PDGFRL: variants seen among roughly 807,000 people sequenced by gnomAD.
PDGFRL encodes platelet derived growth factor receptor like, also known as platelet-derived growth factor receptor-like protein.
Under a neutral mutation model 37.2 loss-of-function variants are expected in PDGFRL, and 46 were observed. The observed-to-expected ratio is 1.24, with a 90% CI of 0.98 to 1.58. The LOEUF is 1.58. Ranked by LOEUF, PDGFRL falls within the 40% of genes most tolerant of loss-of-function variation. The probability of loss-of-function intolerance (pLI) is 0.00; values close to 1 mark genes in which losing one functional copy is unlikely to be tolerated. For missense variants in PDGFRL, 692 were observed against 467.6 expected (o/e 1.48, Z -4.43); for synonymous variants, 251 against 184.3 (o/e 1.36, Z -2.93).
intron 5 of PDGFRL, among the ~76,000 whole-genome samples, chr8:17,636,844 T>C (rs1804980123): frequency 6.6e-6 from 1 of 152,184 alleles, no homozygotes; most frequent in Non-Finnish European, 1.5e-5. Flanking sequence ...CTTGATTAGG[T>C]ATATTTCTGA....
chr8:17,627,319 A>T (rs903864257), intron 3 of PDGFRL, among the ~76,000 whole-genome samples: 2 of 152,178 alleles, frequency 1.3e-5, no homozygotes, highest in African/African-American at 4.8e-5. Context: ...TTTTTGTGGA[A>T]ATCTAAAATC....
intron 1 of PDGFRL, among the ~76,000 whole-genome samples, chr8:17,582,376 G>A (rs531019691): frequency 6.6e-6 from 1 of 152,080 alleles, no homozygotes; most frequent in Admixed American, 6.5e-5. Flanking sequence ...GAGGTCAGGA[G>A]ATCGAGACCA....
intron 1 of PDGFRL, among the ~76,000 whole-genome samples, chr8:17,587,325 G>C (rs1585299616): frequency 6.6e-6 from 1 of 152,140 alleles, no homozygotes; most frequent in Non-Finnish European, 1.5e-5. Context: ...AGATACACAA[G>C]ATGTGATAGC....
intron 2 of PDGFRL, among the ~76,000 whole-genome samples, chr8:17,614,669 C>T (rs1316991945): frequency 1.3e-5 from 2 of 152,304 alleles, no homozygotes; most frequent in Non-Finnish European, 2.9e-5. Context: ...GCCTCCAGCT[C>T]CCAGGCTCAA....
Position 17,639,048 on chromosome 8 carries a change from C to CAA in PDGFRL, c.940-3563_940-3562dup, listed in dbSNP as rs1554556121. ...TGGCCGACAGAGTGAGACTCTGTCT[C>CAA]AAACAAAACAAAACAAACAAAAAGA... On this transcript the variant is annotated intron_variant, in intron 5 of 5. Coordinates refer to ENST00000251630, the MANE Select transcript of PDGFRL (RefSeq NM_001372073.1). 4.6e-5 allele frequency among the ~76,000 whole-genome samples: 7 copies of CAA among 150,680 alleles called. 1 individual carries two copies. The highest frequency in any genetic ancestry group is 1.7e-4 in the African/African-American group (7 of 41,128).
At position 17,605,834 on chromosome 8, in the gene PDGFRL, T is replaced by C. The variant is rs186770083; in HGVS notation, c.354-15217T>C. Among the ~76,000 whole-genome samples the C allele has an allele frequency of 2.0e-4, 30 of 151,912 alleles. No individual in the cohort carries two copies. In the East Asian group the frequency reaches 5.0e-3, roughly 26 times the overall value. Reference sequence around the variant, plus strand: ...GTCAAAAACTGGGAGTTGGGAGGAGTGCGTGGGGCACAGGAGATCTCTTTG... The same window carrying C: ...GTCAAAAACTGGGAGTTGGGAGGAGCGCGTGGGGCACAGGAGATCTCTTTG... On this transcript the variant is annotated intron_variant, in intron 2 of 5. Coordinates refer to ENST00000251630, the MANE Select transcript of PDGFRL (RefSeq NM_001372073.1).
intron 2 of PDGFRL, among the ~76,000 whole-genome samples, chr8:17,594,763 G>C (rs961072526): frequency 3.3e-5 from 5 of 151,852 alleles, no homozygotes; most frequent in South Asian, 2.1e-4. Flanking sequence ...CCGTGGTCTC[G>C]ATCTCCTGAC....
At position 17,589,550 on chromosome 8, in the gene PDGFRL, G is replaced by A. The variant is rs1803887923; in HGVS notation, c.138G>A (p.Lys46=). The A allele has an allele frequency of 6.2e-7, 1 of 1,613,558 alleles. No homozygotes were observed. Among genetic ancestry groups the A allele is most frequent in the Admixed American group, 1.7e-5 (1 of 60,006 alleles). Reference sequence around the variant, plus strand: ...TCAAACCTACCAACAAGAAGGTGAAGCCCAAAATTCCTAAAATGAAGGACA... The same window carrying A: ...TCAAACCTACCAACAAGAAGGTGAAACCCAAAATTCCTAAAATGAAGGACA... ...NRIKPTNKKV[K]PKIPKMKDRD... is the part of the protein sequence containing the mutation. Residue 46 remains lysine (K), a synonymous_variant, in exon 2 of 6, where the codon AAG becomes AAA. Coordinates refer to ENST00000251630, the MANE Select transcript of PDGFRL (RefSeq NM_001372073.1).
At chr8:17,598,654 A>T (rs1374939392) in intron 2 of PDGFRL, among the ~76,000 whole-genome samples, 1 of 152,142 alleles carries the variant, frequency 6.6e-6, no homozygotes. Context: ...TGTCACCTGG[A>T]TCCATCCCCA....
In PDGFRL at chr8:17,642,746, C is replaced by T; in HGVS notation, c.1073C>T (p.Thr358Ile). The T allele has an allele frequency of 6.2e-7, 1 of 1,610,312 alleles. No individual in the cohort carries two copies. The highest frequency in any genetic ancestry group is 1.1e-5 in the South Asian group (1 of 91,016). Reference protein sequence around the residue: ...ETIDAGYYICTAQNLQGQTTV... With the variant: ...ETIDAGYYICIAQNLQGQTTV... ...ATTGATGCAGGATATTACATTTGCACTGCTCAGAATCTTCAAGGACAGACC... is the reference window on the plus strand; with the variant it reads ...ATTGATGCAGGATATTACATTTGCATTGCTCAGAATCTTCAAGGACAGACC... The change falls in exon 6 of 6, where the codon ACT becomes ATT. Residue 358 changes from threonine (T) to isoleucine (I), a missense_variant. Physicochemically the swap from Thr to Ile is moderately conservative, Grantham distance 89. Transcript: ENST00000251630.
chr8:17,590,636 C>T (rs1480673430), intron 2 of PDGFRL, among the ~76,000 whole-genome samples: 6 of 151,658 alleles, frequency 4.0e-5, no homozygotes, highest in Non-Finnish European at 5.9e-5. Flanking sequence ...CGCTTGAACC[C>T]GGGATGCAGA....
intron 3 of PDGFRL, 46 bp downstream of exon 3, chr8:17,621,248 G>T: frequency 1.4e-6 from 2 of 1,413,584 alleles, no homozygotes; most frequent in Non-Finnish European, 2.0e-6. Flanking sequence ...CTTCTGGACC[G>T]GGCTGAGAGC....
At chr8:17,577,184 C>A, upstream of PDGFRL, 2 of 1,566,746 alleles carry the variant, frequency 1.3e-6, no homozygotes, top group Admixed American at 1.9e-5. Context: ...CCCTCGCCCG[C>A]CGCCTCCCCT....
At position 17,635,426 on chromosome 8, in the gene PDGFRL, G is replaced by C. The variant is rs192807360; in HGVS notation, c.939+1213G>C. On this transcript the variant is annotated intron_variant, in intron 5 of 5. Transcript: ENST00000251630. ...TGTGAATTACTTCAATTAGAATAAT[G>C]GTCTCCATCCAGGTTGCTGCAAATG... Among the ~76,000 whole-genome samples the C allele has an allele frequency of 2.7e-3, 409 of 152,120 alleles. 2 individuals carry two copies. Among genetic ancestry groups the C allele is most frequent in the African/African-American group, 9.6e-3 (397 of 41,498 alleles).
Position 17,577,423 on chromosome 8 carries a change from G to A in PDGFRL, c.55+116G>A. ...CTAACGTTCGGCCCTCGGTGGCTCA[G>A]CCCCCGCGCCACTGCCTGCCCGGTG... On this transcript the variant is annotated intron_variant, in intron 1 of 5. Coordinates refer to ENST00000251630, the MANE Select transcript of PDGFRL (RefSeq NM_001372073.1). 4 of 850,820 alleles carry A rather than the reference G, an allele frequency of 4.7e-6. 1 individual carries two copies. Among genetic ancestry groups the A allele is most frequent in the Non-Finnish European group, 3.9e-6 (2 of 516,842 alleles). 52.7% of individuals were successfully genotyped at this position (850,820 alleles called of 1,614,324 possible). A position where few individuals can be genotyped will look rare whatever the true frequency, so the allele number is the denominator to read the frequency against.
chr8:17,591,754 T>C (rs1803945318), intron 2 of PDGFRL, among the ~76,000 whole-genome samples: 1 of 152,078 alleles, frequency 6.6e-6, no homozygotes, highest in Admixed American at 6.5e-5. Context: ...CCATCTCTAC[T>C]AACAATATAA....
At chr8:17,628,180 C>G (rs1169179451) in intron 3 of PDGFRL, among the ~76,000 whole-genome samples, 2 of 150,488 alleles carry the variant, frequency 1.3e-5, no homozygotes, top group East Asian at 2.0e-4. Flanking sequence ...TTTTTTAGTA[C>G]AGATGGGGTT....
chr8:17,586,817 G>T (rs1280806910), intron 1 of PDGFRL, among the ~76,000 whole-genome samples: 5 of 152,122 alleles, frequency 3.3e-5, no homozygotes, highest in African/African-American at 1.2e-4. Context: ...ACAGAAGAGG[G>T]CAAGTAGCTT....
In PDGFRL at chr8:17,577,298, C is replaced by A. The variant is rs763725461; in HGVS notation, c.46C>A (p.Leu16Met). ...LLGLLLVHEA[L>M]EDVTGQHLPK... ...TGGTCTTCTGCTGGTGCACGAAGCG[C>A]TGGAGGATGGTGAGTGACTCTGGGC... The change falls in exon 1 of 6, where the codon CTG becomes ATG. Residue 16 changes from leucine to methionine, a missense_variant. Leu to Met is a conservative substitution (Grantham distance 15). Coordinates refer to ENST00000251630, the MANE Select transcript of PDGFRL (RefSeq NM_001372073.1). 3.7e-6 allele frequency: 6 copies of A among 1,612,830 alleles called. No individual in the cohort carries two copies. Among genetic ancestry groups the A allele is most frequent in the Non-Finnish European group, 5.1e-6 (6 of 1,179,544 alleles).
Sources: allele counts gnomAD v4.1 joint callset (sites outside exome capture counted in the v4.1 genomes callset), GRCh38; gene constraint gnomAD v4.1.1; transcripts MANE v1.5; gene names NCBI Gene and HGNC (gene_info 2026-07-23, HGNC 2026-07-21).